KCNMA1: variants seen among roughly 807,000 people sequenced by gnomAD.
The protein encoded by KCNMA1 is potassium calcium-activated channel subfamily M alpha 1.
KCNMA1 carries 29 observed loss-of-function variants against 140.0 expected under a neutral mutation model. The ratio of observed to expected loss-of-function variants is 0.21; its 90% CI spans 0.15 to 0.28. The LOEUF is 0.28. KCNMA1 is among the 10% of genes least tolerant of loss of function. The pLI, the probability that KCNMA1 is intolerant of heterozygous loss-of-function variation, is 1.00. For synonymous variants in KCNMA1, 612 were observed against 611.9 expected (o/e 1.00, Z 0.00); for missense variants, 880 against 1,602.2 (o/e 0.55, Z 7.70).
At chr10:77,327,733 C>T (rs899402221) in intron 2 of KCNMA1, among the ~76,000 whole-genome samples, 5 of 151,798 alleles carry the variant, frequency 3.3e-5, no homozygotes, top group African/African-American at 1.2e-4. Context: ...TAGGACTGCC[C>T]ACAATGGTGT....
chr10:77,497,021 G>A (rs1008613185), intron 1 of KCNMA1, among the ~76,000 whole-genome samples: 4 of 152,138 alleles, frequency 2.6e-5, no homozygotes, highest in South Asian at 2.1e-4. Flanking sequence ...GGACCCAGGC[G>A]AACAAAAGGA....
intron 2 of KCNMA1, among the ~76,000 whole-genome samples, chr10:77,292,042 A>T (rs960535481): frequency 6.6e-6 from 1 of 152,196 alleles, no homozygotes; most frequent in Non-Finnish European, 1.5e-5. Flanking sequence ...AATTGTCTTC[A>T]AAGGAATTCC....
Position 76,937,582 on chromosome 10 carries a change from G to A in KCNMA1, c.2902+7191C>T, listed in dbSNP as rs115403279. 5.6e-3 allele frequency among the ~76,000 whole-genome samples: 848 copies of A among 152,258 alleles called. 9 individuals carry two copies. Among genetic ancestry groups the A allele is most frequent in the African/African-American group, 0.018 (760 of 41,528 alleles). On this transcript the variant is annotated intron_variant, in intron 23 of 27. Transcript: ENST00000286628. ...GTTCCACTTTAGGAAGGCCCTTTTCGTTCTGCTTTTTGTCATCCAGTAATT... is the reference window on the plus strand; with the variant it reads ...GTTCCACTTTAGGAAGGCCCTTTTCATTCTGCTTTTTGTCATCCAGTAATT...
intron 3 of KCNMA1, among the ~76,000 whole-genome samples, chr10:77,226,780 G>A (rs1293088708): frequency 1.3e-5 from 2 of 152,102 alleles, no homozygotes; most frequent in Non-Finnish European, 1.5e-5. Context: ...GCTCTGAGGG[G>A]CTTCAGGTAA....
At chr10:76,967,014 G>A (rs146418126) in intron 20 of KCNMA1, among the ~76,000 whole-genome samples, 3 of 152,300 alleles carry the variant, frequency 2.0e-5, no homozygotes, top group African/African-American at 7.2e-5. Flanking sequence ...AGAACAAAGG[G>A]AAGGAAAAGA....
intron 4 of KCNMA1, among the ~76,000 whole-genome samples, chr10:77,184,354 G>A (rs1177548609): frequency 6.6e-6 from 1 of 152,026 alleles, no homozygotes; most frequent in Admixed American, 6.6e-5. Flanking sequence ...TGAGTAGCTG[G>A]GATTACAGAT....
chr10:77,313,480 T>G (rs2079910207), intron 2 of KCNMA1, among the ~76,000 whole-genome samples: 1 of 152,206 alleles, frequency 6.6e-6, no homozygotes, highest in Non-Finnish European at 1.5e-5. Context: ...TTTTATTTAC[T>G]GAAGGATGTG....
Position 77,137,866 on chromosome 10 carries a change from C to G in KCNMA1, c.809-16818G>C, listed in dbSNP as rs189181526. 3.6e-3 allele frequency among the ~76,000 whole-genome samples: 541 copies of G among 152,246 alleles called. 2 individuals are homozygous for G. The highest frequency in any genetic ancestry group is 0.013 in the African/African-American group (527 of 41,542). On this transcript the variant is annotated intron_variant, in intron 5 of 27. Coordinates refer to ENST00000286628, the MANE Select transcript of KCNMA1 (RefSeq NM_001161352.2). ...GCACGATCACAGCTCACTACAGCCT[C>G]GACCTCCTGGGCTCAAGTGATCCTC...
intron 19 of KCNMA1, among the ~76,000 whole-genome samples, chr10:76,994,681 T>C (rs1050112559): frequency 2.6e-5 from 4 of 152,212 alleles, no homozygotes; most frequent in African/African-American, 9.6e-5. Context: ...CTGCTTATGA[T>C]TACTAGGTCC....
chr10:77,589,504 C>T (rs189367692), intron 1 of KCNMA1, among the ~76,000 whole-genome samples: 20 of 152,224 alleles, frequency 1.3e-4, no homozygotes, highest in African/African-American at 3.9e-4. Flanking sequence ...ATAAAAATTC[C>T]TAAATGATCC....
intron 1 of KCNMA1, among the ~76,000 whole-genome samples, chr10:77,453,042 C>CCTGGTACCCAGTTAACA (rs1237501036): frequency 6.6e-6 from 1 of 152,038 alleles, no homozygotes; most frequent in Non-Finnish European, 1.5e-5. Flanking sequence ...TAAAGGCAAG[C>CCTGGTACCCAGTTAACA]CTGGTACCCA....
chr10:76,887,688 C>A, intron 27 of KCNMA1, 173 bp from the exon 28 acceptor site: 2 of 737,544 alleles, frequency 2.7e-6, no homozygotes, highest in East Asian at 5.5e-5. Context: ...ATGGAAACTT[C>A]CTCTGTTTAA....
intron 9 of KCNMA1, among the ~76,000 whole-genome samples, chr10:77,094,887 G>A (rs2096893956): frequency 1.3e-5 from 2 of 151,954 alleles, no homozygotes; most frequent in African/African-American, 4.8e-5. Flanking sequence ...TTTTTGTAGA[G>A]ATAGGTTCTT....
chr10:77,309,102 A>G (rs1182883712), intron 2 of KCNMA1, among the ~76,000 whole-genome samples: 4 of 152,334 alleles, frequency 2.6e-5, no homozygotes, highest in African/African-American at 7.2e-5. Context: ...CAGAGTGCAT[A>G]AATACCACTT....
At chr10:77,092,033 T>TG (rs1229795478) in intron 9 of KCNMA1, 1 of 152,164 alleles carries the variant, frequency 6.6e-6, no homozygotes, top group African/African-American at 2.4e-5. Context: ...GCCACCAAGG[T>TG]GAGGGAAGAG....
At chr10:77,134,630 GGCAATAAAA>G (rs2097942799) in intron 5 of KCNMA1, among the ~76,000 whole-genome samples, 1 of 151,986 alleles carries the variant, frequency 6.6e-6, no homozygotes. Context: ...CTAAAACACA[GGCAATAAAA>G]GCAAAAATGG....
chr10:77,259,477 C>T (rs1312434797), intron 2 of KCNMA1, among the ~76,000 whole-genome samples: 1 of 152,170 alleles, frequency 6.6e-6, no homozygotes, highest in Admixed American at 6.5e-5. Context: ...CAAATGTCCT[C>T]CATAACTTTT....
chr10:77,226,749 G>C (rs1446953590), intron 3 of KCNMA1, among the ~76,000 whole-genome samples: 4 of 152,140 alleles, frequency 2.6e-5, no homozygotes, highest in African/African-American at 9.7e-5. Context: ...TTTCAGAAGA[G>C]AAGTGGAATC....
rs574866834 is a variant in KCNMA1 at position 77,022,022 on chromosome 10, T to C, written c.1929-2923A>G. 1.1e-4 allele frequency among the ~76,000 whole-genome samples: 17 copies of C among 152,342 alleles called. No individual in the cohort carries two copies. The South Asian group carries it at 3.3e-3, about 30-fold the overall frequency. On this transcript the variant is annotated intron_variant, in intron 16 of 27. Coordinates refer to ENST00000286628, the MANE Select transcript of KCNMA1 (RefSeq NM_001161352.2). ...ATGCTAATCCCCGTCTTCTTCAAAA[T>C]ATAAAAAGACAAGGATTCTGGATAG...
Sources: gnomAD v4.1 joint callset for allele counts (sites outside exome capture counted in the v4.1 genomes callset) on GRCh38, gnomAD v4.1.1 for gene constraint, MANE v1.5 for transcripts, NCBI Gene and HGNC (gene_info 2026-07-23, HGNC 2026-07-21) for gene names.